The following CCSER2 variants were observed in gnomAD, a reference collection of about 807,000 sequenced individuals.
CCSER2 encodes serine-rich coiled-coil domain-containing protein 2.
CCSER2 carries 46 observed loss-of-function variants against 92.3 expected under a neutral mutation model. The observed-to-expected ratio is 0.50, with a 90% CI of 0.39 to 0.64. The LOEUF (loss-of-function observed/expected upper bound fraction) is 0.64, where lower values mean the gene tolerates loss of function less well. Among genes scored for constraint, CCSER2 ranks in the 30% least tolerant of loss-of-function variants. The probability of loss-of-function intolerance (pLI) is 0.00; values close to 1 mark genes in which losing one functional copy is unlikely to be tolerated. For synonymous variants in CCSER2, 433 were observed against 431.4 expected, an observed-to-expected ratio of 1.00 and a Z score of -0.04; for missense variants, 1,244 against 1,238.9, an observed-to-expected ratio of 1.00 and a Z score of -0.06.
At chr10:84,394,385 ATGTGTGTGTGTG>A (rs60891669) in intron 3 of CCSER2, among the ~76,000 whole-genome samples, 11 of 132,600 alleles carry the variant, frequency 8.3e-5, no homozygotes, top group African/African-American at 2.8e-4. Context: ...AAAGGAAAGT[ATGTGTGTGTGTG>A]TGTGTGTGTG....
chr10:84,338,181 A>G (rs1843947307), intron 1 of CCSER2, among the ~76,000 whole-genome samples: 1 of 151,572 alleles, frequency 6.6e-6, no homozygotes. Flanking sequence ...TGGGAAGCTG[A>G]GTTGAGGCAG....
chr10:84,335,608 C>A (rs946749397), intron 1 of CCSER2, among the ~76,000 whole-genome samples: 5 of 152,040 alleles, frequency 3.3e-5, no homozygotes, highest in Admixed American at 2.0e-4. Flanking sequence ...TACCCTCCTC[C>A]CCAACACTGC....
intron 9 of CCSER2, among the ~76,000 whole-genome samples, chr10:84,494,655 G>A (rs1342454843): frequency 3.3e-5 from 5 of 152,148 alleles, no homozygotes; most frequent in African/African-American, 9.7e-5. Flanking sequence ...GGCTTAATAG[G>A]GGTGATGATA....
chr10:84,409,577 T>TC (rs11429978), intron 3 of CCSER2, among the ~76,000 whole-genome samples: 1 of 92,950 alleles, frequency 1.1e-5, no homozygotes, highest in Non-Finnish European at 2.4e-5. Context: ...GATTGCTCTC[T>TC]TTTTTTTTTT....
intron 3 of CCSER2, among the ~76,000 whole-genome samples, chr10:84,386,970 A>T (rs558505000): frequency 1.8e-4 from 27 of 152,236 alleles, no homozygotes; most frequent in Admixed American, 1.4e-3. Flanking sequence ...GAGTTGAAAA[A>T]TTACCTATTG....
chr10:84,346,699 G>A (rs373214658), intron 1 of CCSER2, among the ~76,000 whole-genome samples: 1 of 151,548 alleles, frequency 6.6e-6, no homozygotes, highest in Non-Finnish European at 1.5e-5. Flanking sequence ...GAGAGCACAT[G>A]CTACTTCATG....
chr10:84,381,808 GTCCCA>G (rs2133215181), intron 3 of CCSER2, among the ~76,000 whole-genome samples: 1 of 151,310 alleles, frequency 6.6e-6, no homozygotes, highest in African/African-American at 2.4e-5. Context: ...CGTGCCTGTA[GTCCCA>G]GCTACTCGGG....
chr10:84,492,755 A>C (rs1316448219), intron 9 of CCSER2, among the ~76,000 whole-genome samples: 1 of 152,212 alleles, frequency 6.6e-6, no homozygotes, highest in Non-Finnish European at 1.5e-5. Context: ...TGTTGATTGC[A>C]CTGATTGATT....
chr10:84,351,507 T>C (rs1223579098), intron 1 of CCSER2, among the ~76,000 whole-genome samples: 3 of 152,048 alleles, frequency 2.0e-5, no homozygotes, highest in Non-Finnish European at 4.4e-5. Context: ...CCCAAAATGC[T>C]GGGATTATGG....
At chr10:84,366,895 G>GGTA (rs766435982) in intron 1 of CCSER2, among the ~76,000 whole-genome samples, 1 of 152,112 alleles carries the variant, frequency 6.6e-6, no homozygotes, top group African/African-American at 2.4e-5. Flanking sequence ...AGGAATCCTT[G>GGTA]GTAGTAGTAC....
chr10:84,337,184 C>T (rs551838525), intron 1 of CCSER2, among the ~76,000 whole-genome samples: 3 of 152,044 alleles, frequency 2.0e-5, no homozygotes, highest in Non-Finnish European at 4.4e-5. Context: ...TGTAATGCCT[C>T]GAGAATGGAT....
In CCSER2 at chr10:84,513,525, G is replaced by A. The variant is rs200882277; in HGVS notation, c.2402G>A (p.Arg801His). 36 of 1,614,054 alleles carry A rather than the reference G, an allele frequency of 2.2e-5. No individual in the cohort carries two copies. The highest frequency in any genetic ancestry group is 1.8e-4 in the East Asian group (8 of 44,888). ...CAGGGAAAACTAATAAAGCCACAAC[G>A]TATCGAGGCCCGCAGTGAATGCTCA... ...HTQGKLIKPQ[R>H]IEARSECSIQ... The change falls in exon 10 of 10, where the codon CGT (arginine) becomes CAT (histidine). Residue 801 changes from arginine (R) to histidine (H), a missense_variant. Transcript: ENST00000372088.
rs1285371017 is a variant in CCSER2 at position 84,517,595 on chromosome 10, C to T, written c.*3328C>T. ...TCGAATTGCCTCCTATTGGGTGTGG[C>T]TTTGTTGAAATAAATTTGTAATTGT... is the stretch of plus-strand genomic sequence containing the variant. On this transcript the variant is annotated 3_prime_UTR_variant, in exon 10 of 10. Coordinates refer to ENST00000372088, the MANE Select transcript of CCSER2 (RefSeq NM_001284240.2). The T allele has an allele frequency of 2.0e-5, 3 of 152,574 alleles. No individual in the cohort carries two copies. Among genetic ancestry groups the T allele is most frequent in the Non-Finnish European group, 4.4e-5 (3 of 68,040 alleles). The allele number at this position is 152,574 out of a possible 1,614,324, so 9.5% of individuals were successfully genotyped here. A position where few individuals can be genotyped will look rare whatever the true frequency, so the allele number is the denominator to read the frequency against.
chr10:84,457,176 GA>G (rs1482856710), intron 6 of CCSER2, among the ~76,000 whole-genome samples: 1 of 127,752 alleles, frequency 7.8e-6, no homozygotes, highest in Non-Finnish European at 1.6e-5. Flanking sequence ...AATGATTGCA[GA>G]TATTTTCTTC....
intron 9 of CCSER2, among the ~76,000 whole-genome samples, chr10:84,485,411 A>G (rs1847746143): frequency 6.6e-6 from 1 of 152,212 alleles, no homozygotes; most frequent in African/African-American, 2.4e-5. Context: ...GGTAACCACT[A>G]AAACTGTTTT....
rs371777256 is a variant in CCSER2 at position 84,371,289 on chromosome 10, C to T, written c.237C>T (p.Val79=). ...ANKYQLCAQG[V]EEPNNTQNSH... ...AATATCAGCTTTGTGCACAAGGTGTCGAAGAGCCTAACAATACTCAAAATT... is the reference window on the plus strand; with the variant it reads ...AATATCAGCTTTGTGCACAAGGTGTTGAAGAGCCTAACAATACTCAAAATT... Residue 79 remains valine, a synonymous_variant, in exon 2 of 10, where the codon GTC becomes GTT. Coordinates refer to ENST00000372088, the MANE Select transcript of CCSER2 (RefSeq NM_001284240.2). 6.2e-6 allele frequency: 10 copies of T among 1,613,206 alleles called. No homozygotes were observed. Among genetic ancestry groups the T allele is most frequent in the South Asian group, 2.2e-5 (2 of 91,014 alleles).
chr10:84,514,568 T>TA lies in CCSER2; in HGVS notation c.*302dup, dbSNP rs1849532487. Reference sequence around the variant, plus strand: ...CCACGTCAGAAAATTCATAATATTTTACTGAGCAGGCAAGAAGTGTGCTTT... The same window carrying TA: ...CCACGTCAGAAAATTCATAATATTTTAACTGAGCAGGCAAGAAGTGTGCTTT... On this transcript the variant is annotated 3_prime_UTR_variant, in exon 10 of 10. Transcript: ENST00000372088. 2.8e-6 allele frequency: 1 copy of TA among 353,178 alleles called. No individual in the cohort carries two copies. Among genetic ancestry groups the TA allele is most frequent in the African/African-American group, 2.1e-5 (1 of 47,182 alleles). The allele number at this position is 353,178 out of a possible 1,614,324, so 21.9% of individuals were successfully genotyped here. A position where few individuals can be genotyped will look rare whatever the true frequency, so the allele number is the denominator to read the frequency against.
chr10:84,403,084 A>G (rs1842202892), intron 3 of CCSER2, among the ~76,000 whole-genome samples: 1 of 152,190 alleles, frequency 6.6e-6, no homozygotes, highest in South Asian at 2.1e-4. Context: ...TCATCAAGAG[A>G]GCGTGGTATT....
At chr10:84,441,753 T>C (rs1275295489) in intron 6 of CCSER2, among the ~76,000 whole-genome samples, 1 of 79,008 alleles carries the variant, frequency 1.3e-5, no homozygotes, top group Non-Finnish European at 2.8e-5. Context: ...TTTTTTTTTT[T>C]TTTTTTTTTT....
Sources: gnomAD v4.1 joint callset for allele counts (sites outside exome capture counted in the v4.1 genomes callset) on GRCh38, gnomAD v4.1.1 for gene constraint, MANE v1.5 for transcripts, NCBI Gene and HGNC (gene_info 2026-07-23, HGNC 2026-07-21) for gene names.